WDFY4: variants seen among roughly 807,000 people sequenced by gnomAD.
The protein encoded by WDFY4 is WD repeat- and FYVE domain-containing protein 4.
In WDFY4, 169 loss-of-function variants were observed where a neutral mutation model predicts 351.9. The observed-to-expected ratio is 0.48, with a 90% CI of 0.42 to 0.55. WDFY4 has a LOEUF of 0.55. Ranked by LOEUF, WDFY4 falls within the 20% of genes least tolerant of loss-of-function variation. The pLI is 0.00. For missense variants in WDFY4, 3,803 were observed against 3,935.6 expected, an observed-to-expected ratio of 0.97 and a Z score of 0.90; for synonymous variants, 1,622 against 1,574.6, an observed-to-expected ratio of 1.03 and a Z score of -0.71.
chr10:48,761,973 T>C (rs919570521), intron 13 of WDFY4, among the ~76,000 whole-genome samples: 1 of 152,218 alleles, frequency 6.6e-6, no homozygotes, highest in Non-Finnish European at 1.5e-5. Flanking sequence ...GAACCTGGTA[T>C]TGAATGTGGC....
In WDFY4 at chr10:48,959,775, G is replaced by A. The variant is rs1841774256; in HGVS notation, c.8185G>A (p.Asp2729Asn). 3.2e-6 allele frequency: 5 copies of A among 1,551,392 alleles called. No homozygotes were observed. In the East Asian group the frequency reaches 7.3e-5, roughly 23 times the overall value. Residue 2729 changes from aspartate to asparagine, a missense_variant, in exon 53 of 62, where the codon GAT becomes AAT. Asp to Asn is a conservative substitution (Grantham distance 23, BLOSUM62 1). Transcript: ENST00000325239. ...AGACGTGCAGCTCCCTCCCTGGGCT[G>A]ATGGGGACCCTCGGAAATTCATCAG... ...LGDVQLPPWADGDPRKFISLH... is the reference protein window; with the variant it reads ...LGDVQLPPWANGDPRKFISLH...
chr10:48,894,726 T>C (rs1416288099), intron 44 of WDFY4, among the ~76,000 whole-genome samples: 3 of 152,094 alleles, frequency 2.0e-5, no homozygotes, highest in African/African-American at 7.2e-5. Flanking sequence ...AGCTAAGGTA[T>C]GGAGAATATT....
At chr10:48,717,997 C>T (rs558646738) in intron 2 of WDFY4, among the ~76,000 whole-genome samples, 1 of 152,082 alleles carries the variant, frequency 6.6e-6, no homozygotes, top group East Asian at 1.9e-4. Context: ...GTTCTTCCAA[C>T]CGATACTCTG....
chr10:48,976,642 T>G (rs1842580917), intron 58 of WDFY4, 155 bp from the exon 59 acceptor site: 1 of 542,582 alleles, frequency 1.8e-6, no homozygotes, highest in African/African-American at 2.0e-5. Context: ...ACAGCAGACC[T>G]GTAAGTCAGC....
chr10:48,863,769 T>C lies in WDFY4; in HGVS notation c.6664-3496T>C, dbSNP rs572826634. On this transcript the variant is annotated intron_variant, in intron 39 of 61. Transcript: ENST00000325239. ...TAAAGAACTGCCCAAGACTGGGTAA[T>C]TTATAAAGAAAAGAGGTTTAATTGA... Among the ~76,000 whole-genome samples, 4 of 152,290 alleles carry C rather than the reference T, an allele frequency of 2.6e-5. No homozygotes were observed. In the East Asian group the frequency reaches 7.7e-4, roughly 29 times the overall value.
intron 9 of WDFY4, among the ~76,000 whole-genome samples, chr10:48,733,204 G>C (rs770033333): frequency 6.6e-6 from 1 of 152,088 alleles, no homozygotes; most frequent in Admixed American, 6.5e-5. Context: ...ACTTTTTTGT[G>C]AGCTCATGCA....
chr10:48,746,729 G>A (rs2065026412), intron 12 of WDFY4, among the ~76,000 whole-genome samples: 1 of 151,926 alleles, frequency 6.6e-6, no homozygotes, highest in Non-Finnish European at 1.5e-5. Context: ...TATAGTAGTT[G>A]CCCTAGAGTG....
intron 47 of WDFY4, among the ~76,000 whole-genome samples, chr10:48,904,798 G>A (rs901878145): frequency 2.6e-5 from 4 of 152,192 alleles, no homozygotes; most frequent in African/African-American, 9.7e-5. Flanking sequence ...TGGATCGGAG[G>A]GATGTACCCG....
intron 1 of WDFY4, among the ~76,000 whole-genome samples, chr10:48,701,861 A>G (rs369755805): frequency 6.6e-6 from 1 of 152,146 alleles, no homozygotes; most frequent in South Asian, 2.1e-4. Flanking sequence ...CAGAGCTACT[A>G]TAAAGTGAGC....
intron 19 of WDFY4, among the ~76,000 whole-genome samples, chr10:48,781,539 A>C (rs1589593968): frequency 6.6e-6 from 1 of 152,054 alleles, no homozygotes; most frequent in Admixed American, 6.6e-5. Context: ...CAGGCGATCC[A>C]CCTGCCTTGC....
chr10:48,957,254 C>A lies in WDFY4; in HGVS notation c.8103C>A (p.Phe2701Leu). ...CAGAGTTCTTCTACCTGCCTGAGTT[C>A]TTAACCAACTGCAACGGGGTAGAGT... is the stretch of plus-strand genomic sequence containing the variant. ...LTPEFFYLPE[F>L]LTNCNGVEFG... The change falls in exon 52 of 62, where the codon TTC (phenylalanine) becomes TTA (leucine). Residue 2701 changes from phenylalanine (F) to leucine (L), a missense_variant. Phe to Leu is a conservative substitution (Grantham distance 22). Coordinates refer to ENST00000325239, the MANE Select transcript of WDFY4 (RefSeq NM_001394531.1). The A allele has an allele frequency of 1.3e-6, 2 of 1,551,672 alleles. No individual in the cohort carries two copies. The highest frequency in any genetic ancestry group is 1.7e-6 in the Non-Finnish European group (2 of 1,146,956).
At chr10:48,712,452 G>A (rs2063792642) in intron 2 of WDFY4, among the ~76,000 whole-genome samples, 1 of 152,104 alleles carries the variant, frequency 6.6e-6, no homozygotes, top group East Asian at 1.9e-4. Flanking sequence ...CCCACCTCTG[G>A]CAAACCCTGC....
At chr10:48,790,674 C>T in intron 22 of WDFY4, 53 bp from the exon 23 acceptor site, 2 of 1,526,152 alleles carry the variant, frequency 1.3e-6, no homozygotes, top group Non-Finnish European at 1.8e-6. Flanking sequence ...GGGAATTTCC[C>T]ATTGCAATGA....
intron 47 of WDFY4, among the ~76,000 whole-genome samples, chr10:48,918,726 C>T (rs942150906): frequency 6.7e-6 from 1 of 149,606 alleles, no homozygotes; most frequent in African/African-American, 2.5e-5. Context: ...CATTTTAGAC[C>T]AGGTAATTAT....
chr10:48,813,850 T>G, intron 30 of WDFY4, 107 bp from the exon 31 acceptor site: 1 of 1,327,868 alleles, frequency 7.5e-7, no homozygotes, highest in Admixed American at 3.2e-5. Flanking sequence ...GTGTGCTCTT[T>G]TGCTTTTCCC....
At chr10:48,921,071 T>C (rs928723463) in intron 47 of WDFY4, among the ~76,000 whole-genome samples, 1 of 152,160 alleles carries the variant, frequency 6.6e-6, no homozygotes, top group Non-Finnish European at 1.5e-5. Context: ...TCTCCCCAAA[T>C]TGGTCTAATC....
chr10:48,898,831 T>C (rs1172127845), intron 45 of WDFY4, among the ~76,000 whole-genome samples: 1 of 152,138 alleles, frequency 6.6e-6, no homozygotes, highest in Non-Finnish European at 1.5e-5. Context: ...CTGATGGTTC[T>C]GGGCAGTGCT....
At chr10:48,855,228 C>T (rs2069096241) in intron 39 of WDFY4, among the ~76,000 whole-genome samples, 1 of 152,006 alleles carries the variant, frequency 6.6e-6, no homozygotes, top group African/African-American at 2.4e-5. Flanking sequence ...CATAAATATA[C>T]AGATTTAAGA....
At chr10:48,857,392 TTA>T (rs2069172552) in intron 39 of WDFY4, among the ~76,000 whole-genome samples, 1 of 152,184 alleles carries the variant, frequency 6.6e-6, no homozygotes, top group African/African-American at 2.4e-5. Flanking sequence ...ATGATGATTT[TTA>T]TACAGTTGGT....
Sources: gnomAD v4.1 joint callset for allele counts (sites outside exome capture counted in the v4.1 genomes callset) on GRCh38, gnomAD v4.1.1 for gene constraint, MANE v1.5 for transcripts, NCBI Gene and HGNC (gene_info 2026-07-23, HGNC 2026-07-21) for gene names.